VWA8: variants seen among roughly 807,000 people sequenced by gnomAD.
VWA8 encodes the protein von Willebrand factor A domain containing 8.
Under a neutral mutation model 241.5 loss-of-function variants are expected in VWA8, and 221 were observed. The ratio of observed to expected loss-of-function variants is 0.91; its 90% CI spans 0.82 to 1.02. The LOEUF (loss-of-function observed/expected upper bound fraction) is 1.02, where lower values mean the gene tolerates loss of function less well. Ranked by LOEUF, VWA8 falls within the 50% of genes least tolerant of loss-of-function variation. The pLI, the probability that VWA8 is intolerant of heterozygous loss-of-function variation, is 0.00. For missense variants in VWA8, 2,322 were observed against 2,328.7 expected (o/e 1.00, Z 0.06); for synonymous variants, 852 against 827.1 (o/e 1.03, Z -0.52).
At chr13:41,685,938 GC>G (rs1448799753) in intron 34 of VWA8, among the ~76,000 whole-genome samples, 1 of 152,026 alleles carries the variant, frequency 6.6e-6, no homozygotes, top group African/African-American at 2.4e-5. Context: ...AATTTCTTAT[GC>G]TTTTTCTAAA....
Position 41,863,395 on chromosome 13 carries a change from TTGTGTGTGTGTGTGTGTGTG to T in VWA8, c.1425+2321_1425+2340del, listed in dbSNP as rs140177608. ...ATATGTGTGTGTGTGTATCTCCTAT[TTGTGTGTGTGTGTGTGTGTG>T]TGTGTGTGTGTGTGTGTGTATATAT... On this transcript the variant is annotated intron_variant, in intron 12 of 44. Transcript: ENST00000379310. Among the ~76,000 whole-genome samples, 32 of 90,042 alleles carry T rather than the reference TTGTGTGTGTGTGTGTGTGTG, an allele frequency of 3.6e-4. 1 individual carries two copies. The highest frequency in any genetic ancestry group is 3.4e-4 in the African/African-American group (9 of 26,322). The allele number at this position is 90,042 out of a possible 152,430, so 59.1% of individuals were successfully genotyped here. A position where few individuals can be genotyped will look rare whatever the true frequency, so the allele number is the denominator to read the frequency against.
intron 9 of VWA8, among the ~76,000 whole-genome samples, chr13:41,873,832 T>G (rs1873762770): frequency 6.6e-6 from 1 of 152,202 alleles, no homozygotes; most frequent in Non-Finnish European, 1.5e-5. Flanking sequence ...TAACTCATTT[T>G]ATGAGGCCAG....
intron 20 of VWA8, among the ~76,000 whole-genome samples, chr13:41,773,695 C>G (rs1177518955): frequency 6.6e-6 from 1 of 152,174 alleles, no homozygotes; most frequent in East Asian, 1.9e-4. Context: ...TTGAAGTTGG[C>G]TAAAGGATTC....
At chr13:41,579,262 T>C (rs1434993334) in intron 42 of VWA8, among the ~76,000 whole-genome samples, 1 of 152,182 alleles carries the variant, frequency 6.6e-6, no homozygotes, top group Admixed American at 6.5e-5. Context: ...CCATTCTCAT[T>C]CTCCTGTGTG....
intron 42 of VWA8, among the ~76,000 whole-genome samples, chr13:41,581,398 T>TGTA (rs1485232090): frequency 6.6e-6 from 1 of 152,214 alleles, no homozygotes; most frequent in Admixed American, 6.5e-5. Context: ...CATTACATAA[T>TGTA]CCCTAACACA....
chr13:41,605,028 C>G (rs1297245496), intron 40 of VWA8, 140 bp downstream of exon 40: 2 of 701,500 alleles, frequency 2.9e-6, no homozygotes, highest in Non-Finnish European at 4.7e-6. Flanking sequence ...ATGGGATAGT[C>G]CAGTTTTATG....
At chr13:41,580,910 A>G (rs7331567) in intron 42 of VWA8, among the ~76,000 whole-genome samples, 24,066 of 150,814 alleles carry the variant, frequency 0.16, 2,133 homozygotes, top group South Asian at 0.25. Context: ...GTAATGAGAA[A>G]GCCTGCTTCT....
chr13:41,691,932 A>G lies in VWA8; in HGVS notation c.3682T>C (p.Tyr1228His). The G allele has an allele frequency of 6.2e-7, 1 of 1,605,156 alleles. No individual in the cohort carries two copies. The highest frequency in any genetic ancestry group is 8.5e-7 in the Non-Finnish European group (1 of 1,172,692). The stretch of plus-strand genomic sequence containing the variant: ...TGTGAAAATTCTTTACACATTTTAT[A>G]AGTTTCCTAAAGACAAACAAAACAA... ...FWWNKEEAET[Y>H]KMCKEFSHKN... The change falls in exon 31 of 45, where the codon TAT (tyrosine) becomes CAT (histidine). Residue 1228 changes from tyrosine to histidine, a missense_variant. Transcript: ENST00000379310.
At chr13:41,764,660 G>C (rs2045767037) in intron 20 of VWA8, among the ~76,000 whole-genome samples, 1 of 152,158 alleles carries the variant, frequency 6.6e-6, no homozygotes, top group Non-Finnish European at 1.5e-5. Flanking sequence ...AGAACAGTAT[G>C]TGTCAAGACT....
chr13:41,702,427 T>C (rs553463839), intron 27 of VWA8, among the ~76,000 whole-genome samples: 94 of 152,334 alleles, frequency 6.2e-4, no homozygotes, highest in African/African-American at 2.1e-3. Flanking sequence ...AAAGAGGTAG[T>C]GGCCATCTTC....
At chr13:41,677,923 A>C (rs769619424) in intron 35 of VWA8, among the ~76,000 whole-genome samples, 9 of 152,216 alleles carry the variant, frequency 5.9e-5, no homozygotes, top group Non-Finnish European at 1.3e-4. Context: ...TTTTTATTTC[A>C]TGCATGTAGT....
At chr13:41,749,256 G>A (rs1326143928) in intron 21 of VWA8, among the ~76,000 whole-genome samples, 1 of 152,210 alleles carries the variant, frequency 6.6e-6, no homozygotes, top group Admixed American at 6.5e-5. Flanking sequence ...ATGAAAAAGT[G>A]CTCATCATCA....
At chr13:41,951,650 C>A (rs1196460504) in intron 1 of VWA8, among the ~76,000 whole-genome samples, 1 of 152,188 alleles carries the variant, frequency 6.6e-6, no homozygotes, top group Non-Finnish European at 1.5e-5. Flanking sequence ...GGCTCAGAGA[C>A]ACTCCAAAAA....
intron 44 of VWA8, among the ~76,000 whole-genome samples, chr13:41,569,013 G>A (rs1193563263): frequency 6.6e-6 from 1 of 152,210 alleles, no homozygotes; most frequent in Non-Finnish European, 1.5e-5. Flanking sequence ...TGGAACAAAA[G>A]GCCATTTTGA....
intron 12 of VWA8, among the ~76,000 whole-genome samples, chr13:41,838,434 A>G (rs921819806): frequency 6.6e-6 from 1 of 152,174 alleles, no homozygotes; most frequent in Non-Finnish European, 1.5e-5. Context: ...TAATGCACAT[A>G]TAACTGTCTT....
intron 20 of VWA8, among the ~76,000 whole-genome samples, chr13:41,763,462 A>G (rs2045757058): frequency 6.6e-6 from 1 of 152,162 alleles, no homozygotes; most frequent in Non-Finnish European, 1.5e-5. Flanking sequence ...GGATCATTTC[A>G]TCTTCTAGGA....
At chr13:41,845,821 G>A (rs925023712) in intron 12 of VWA8, among the ~76,000 whole-genome samples, 1 of 151,988 alleles carries the variant, frequency 6.6e-6, no homozygotes, top group Non-Finnish European at 1.5e-5. Flanking sequence ...TAGACAATGG[G>A]GACTACTGAG....
chr13:41,604,575 A>T (rs550866677), intron 40 of VWA8, among the ~76,000 whole-genome samples: 3 of 152,184 alleles, frequency 2.0e-5, no homozygotes, highest in Non-Finnish European at 4.4e-5. Flanking sequence ...AATTACAAAT[A>T]AGAACCAAAA....
intron 4 of VWA8, among the ~76,000 whole-genome samples, chr13:41,898,874 G>T (rs1401892198): frequency 1.3e-5 from 2 of 150,730 alleles, no homozygotes; most frequent in Non-Finnish European, 1.5e-5. Flanking sequence ...GCTGCTCCGA[G>T]TGTGGGCCCG....
Sources: allele counts gnomAD v4.1 joint callset (sites outside exome capture counted in the v4.1 genomes callset), GRCh38; gene constraint gnomAD v4.1.1; transcripts MANE v1.5; gene names NCBI Gene and HGNC (gene_info 2026-07-23, HGNC 2026-07-21).